The following DTNBP1 variants were observed in gnomAD, a reference collection of about 807,000 sequenced individuals.
DTNBP1 encodes the protein dystrobrevin binding protein 1, also known as dysbindin.
DTNBP1 carries 35 observed loss-of-function variants against 42.8 expected under a neutral mutation model. The ratio of observed to expected loss-of-function variants is 0.82; its 90% CI spans 0.63 to 1.09. The LOEUF (loss-of-function observed/expected upper bound fraction) is 1.09. DTNBP1 is among the 50% of genes least tolerant of loss of function. The pLI is 0.00. For missense variants in DTNBP1, 457 were observed against 424.2 expected (o/e 1.08, Z -0.68); for synonymous variants, 171 against 162.2 (o/e 1.05, Z -0.41).
At chr6:15,596,708 T>G (rs1418782724) in intron 6 of DTNBP1, among the ~76,000 whole-genome samples, 1 of 152,240 alleles carries the variant, frequency 6.6e-6, no homozygotes, top group Admixed American at 6.5e-5. Context: ...CATATGCTAC[T>G]AACTTCCTGA....
chr6:15,532,453 A>G (rs1225344387), intron 8 of DTNBP1, among the ~76,000 whole-genome samples: 1 of 152,184 alleles, frequency 6.6e-6, no homozygotes, highest in Non-Finnish European at 1.5e-5. Flanking sequence ...ACAACCTCTT[A>G]TAGTATTTTT....
chr6:15,574,800 C>A (rs1385016250), intron 7 of DTNBP1, among the ~76,000 whole-genome samples: 1 of 152,118 alleles, frequency 6.6e-6, no homozygotes, highest in Middle Eastern at 3.4e-3. Flanking sequence ...GGTGGTAGGA[C>A]CCTCTAATAT....
chr6:15,523,733 A>G, intron 9 of DTNBP1: 1 of 1,287,206 alleles, frequency 7.8e-7, no homozygotes, highest in African/African-American at 1.5e-5. Context: ...ACTCTGGGTG[A>G]GGGTTCACGC....
intron 7 of DTNBP1, among the ~76,000 whole-genome samples, chr6:15,536,942 C>A (rs912896994): frequency 1.3e-5 from 2 of 152,258 alleles, no homozygotes; most frequent in African/African-American, 4.8e-5. Flanking sequence ...GACTGCCCTG[C>A]TGGATTTCAG....
At chr6:15,609,893 C>A (rs1561989208) in intron 6 of DTNBP1, among the ~76,000 whole-genome samples, 1 of 152,182 alleles carries the variant, frequency 6.6e-6, no homozygotes, top group Non-Finnish European at 1.5e-5. Flanking sequence ...TATCTGCAGG[C>A]CTTTTCTTGT....
In DTNBP1 at chr6:15,548,612, A is replaced by T. The variant is rs1365777644; in HGVS notation, c.512-15217T>A. ...ACATTTTGATTTCAGTATATAAATG[A>T]TGTTGATGGAATTTTCTCAGTAAGA... On this transcript the variant is annotated intron_variant, in intron 7 of 9. Coordinates refer to ENST00000344537, the MANE Select transcript of DTNBP1 (RefSeq NM_032122.5). 2.6e-5 allele frequency among the ~76,000 whole-genome samples: 4 copies of T among 152,200 alleles called. No individual in the cohort carries two copies. In the East Asian group the frequency reaches 5.8e-4, roughly 22 times the overall value.
At chr6:15,538,747 C>A (rs1231638234) in intron 7 of DTNBP1, among the ~76,000 whole-genome samples, 1 of 152,116 alleles carries the variant, frequency 6.6e-6, no homozygotes, top group Non-Finnish European at 1.5e-5. Flanking sequence ...TGGCAGACAC[C>A]CTGCTCCGCT....
intron 1 of DTNBP1, among the ~76,000 whole-genome samples, chr6:15,653,354 GTGTT>G (rs1157897236): frequency 1.3e-5 from 2 of 152,134 alleles, no homozygotes; most frequent in African/African-American, 2.4e-5. Context: ...TGGTAGTTTT[GTGTT>G]TGTTTGGGCT....
At chr6:15,560,166 C>T (rs937225698) in intron 7 of DTNBP1, among the ~76,000 whole-genome samples, 2 of 152,048 alleles carry the variant, frequency 1.3e-5, no homozygotes, top group Non-Finnish European at 2.9e-5. Context: ...ATTAGCTGGG[C>T]ATGGTAGCAG....
At chr6:15,659,725 G>T (rs904610058) in intron 1 of DTNBP1, among the ~76,000 whole-genome samples, 3 of 151,898 alleles carry the variant, frequency 2.0e-5, no homozygotes, top group African/African-American at 7.3e-5. Flanking sequence ...GCTAATTTTT[G>T]TATTTTTTAG....
chr6:15,634,056 G>A (rs1759852478), intron 4 of DTNBP1, among the ~76,000 whole-genome samples: 1 of 152,124 alleles, frequency 6.6e-6, no homozygotes, highest in African/African-American at 2.4e-5. Context: ...TATTTCTGAG[G>A]TATGCCCATA....
At chr6:15,529,412 G>C (rs748048762) in intron 8 of DTNBP1, among the ~76,000 whole-genome samples, 18 of 152,230 alleles carry the variant, frequency 1.2e-4, no homozygotes, top group Non-Finnish European at 2.2e-4. Flanking sequence ...AATCAAATTA[G>C]AGGTGAATAT....
chr6:15,541,482 AC>A (rs1173023433), intron 7 of DTNBP1, among the ~76,000 whole-genome samples: 2 of 152,260 alleles, frequency 1.3e-5, no homozygotes, highest in Non-Finnish European at 2.9e-5. Context: ...GGAAAGCCAG[AC>A]AAATACAAAG....
At chr6:15,564,364 A>G (rs1186625241) in intron 7 of DTNBP1, among the ~76,000 whole-genome samples, 1 of 152,158 alleles carries the variant, frequency 6.6e-6, no homozygotes, top group African/African-American at 2.4e-5. Context: ...ACTCAATAAT[A>G]AGACAAACCA....
chr6:15,524,501 G>A, intron 9 of DTNBP1, 25 bp downstream of exon 9: 1 of 1,609,358 alleles, frequency 6.2e-7, no homozygotes, highest in South Asian at 1.1e-5. Flanking sequence ...CCCTGGTTCA[G>A]CTAATGCAAG....
intron 7 of DTNBP1, among the ~76,000 whole-genome samples, chr6:15,570,045 G>A (rs1292221015): frequency 1.3e-5 from 2 of 151,830 alleles, no homozygotes; most frequent in African/African-American, 2.4e-5. Flanking sequence ...ATACATCTAT[G>A]TGTGTCTGTA....
Position 15,563,138 on chromosome 6 carries a change from T to C in DTNBP1, c.512-29743A>G, listed in dbSNP as rs185857373. 2.1e-3 allele frequency among the ~76,000 whole-genome samples: 322 copies of C among 152,304 alleles called. 1 individual carries two copies. Among genetic ancestry groups the C allele is most frequent in the African/African-American group, 7.5e-3 (313 of 41,568 alleles). ...TGCTCTTCCCTCTAGCTGGAATCTC[T>C]TCCCTCCCATCTTACCTCCTACTCA... On this transcript the variant is annotated intron_variant, in intron 7 of 9. Transcript: ENST00000344537.
intron 6 of DTNBP1, among the ~76,000 whole-genome samples, chr6:15,597,013 C>A (rs1429474979): frequency 1.3e-5 from 2 of 152,144 alleles, no homozygotes; most frequent in Non-Finnish European, 2.9e-5. Context: ...TATAAATATC[C>A]ATTTTCGTAT....
intron 5 of DTNBP1, among the ~76,000 whole-genome samples, chr6:15,618,252 G>A (rs1345263269): frequency 6.6e-6 from 1 of 152,070 alleles, no homozygotes; most frequent in East Asian, 1.9e-4. Flanking sequence ...CAGGTATATG[G>A]AAAAATGTTC....
Sources: gnomAD v4.1 joint callset for allele counts (sites outside exome capture counted in the v4.1 genomes callset) on GRCh38, gnomAD v4.1.1 for gene constraint, MANE v1.5 for transcripts, NCBI Gene and HGNC (gene_info 2026-07-23, HGNC 2026-07-21) for gene names.